RARS2: variants seen among roughly 807,000 people sequenced by gnomAD.
The protein encoded by RARS2 is probable arginine--tRNA ligase, mitochondrial.
A neutral mutation model predicts 88.5 loss-of-function variants in RARS2; 67 were observed. The ratio of observed to expected loss-of-function variants is 0.76; its 90% CI spans 0.62 to 0.93. The LOEUF (loss-of-function observed/expected upper bound fraction) is 0.93, where lower values mean the gene tolerates loss of function less well. Ranked by LOEUF, RARS2 falls within the 40% of genes least tolerant of loss-of-function variation. RARS2 has a pLI of 0.00. For missense variants in RARS2, 664 were observed against 684.2 expected (o/e 0.97, Z 0.33); for synonymous variants, 239 against 230.3 (o/e 1.04, Z -0.34).
chr6:87,522,000 G>A (rs1436277247), intron 11 of RARS2, among the ~76,000 whole-genome samples: 1 of 152,082 alleles, frequency 6.6e-6, no homozygotes, highest in Non-Finnish European at 1.5e-5. Context: ...CAAAGTCTTG[G>A]GTCAGTCAGG....
intron 2 of RARS2, among the ~76,000 whole-genome samples, chr6:87,569,256 G>A (rs1768870432): frequency 6.6e-6 from 1 of 152,012 alleles, no homozygotes; most frequent in South Asian, 2.1e-4. Flanking sequence ...CAAAGACTTT[G>A]CCACAATTAT....
At position 87,569,607 on chromosome 6, in the gene RARS2, AC is replaced by A. The variant is rs1285348745; in HGVS notation, c.37-18del. ...TCTGGAAAGCTAAAAATCAAAAAGAACAAAACAGTGTAAGATTGTTCACATA... is the reference window on the plus strand; with the variant it reads ...TCTGGAAAGCTAAAAATCAAAAAGAAAAAACAGTGTAAGATTGTTCACATA... On this transcript the variant is annotated intron_variant, in intron 1 of 19. Transcript: ENST00000369536. 1 of 1,569,846 alleles carries A rather than the reference AC, an allele frequency of 6.4e-7. No individual in the cohort carries two copies. The highest frequency in any genetic ancestry group is 1.7e-5 in the Admixed American group (1 of 59,950).
chr6:87,541,953 T>C lies in RARS2; in HGVS notation c.577A>G (p.Lys193Glu), dbSNP rs1232135453. 1 of 1,613,822 alleles carries C rather than the reference T, an allele frequency of 6.2e-7. No individual in the cohort carries two copies. Among genetic ancestry groups the C allele is most frequent in the Admixed American group, 1.7e-5 (1 of 60,018 alleles). Residue 193 changes from lysine (K) to glutamate (E), a missense_variant, in exon 8 of 20, where the codon AAA (lysine) becomes GAA (glutamate). Lys to Glu is a moderately conservative substitution (Grantham distance 56). Transcript: ENST00000369536. ...TGCTGTAGAGGATTGGACTGCAGTTTTTCCTCATAGCCAAACAGCTGGAAG... is the reference window on the plus strand; with the variant it reads ...TGCTGTAGAGGATTGGACTGCAGTTCTTCCTCATAGCCAAACAGCTGGAAG... ...TGFQLFGYEEKLQSNPLQHLF... is the reference protein window; with the variant it reads ...TGFQLFGYEEELQSNPLQHLF...
intron 10 of RARS2, among the ~76,000 whole-genome samples, chr6:87,524,920 T>C (rs778952165): frequency 3.3e-5 from 5 of 152,192 alleles, no homozygotes; most frequent in Admixed American, 6.5e-5. Flanking sequence ...TTCTTTAATA[T>C]ACCCAGTTGA....
At chr6:87,536,938 GA>G (rs1779356216) in intron 8 of RARS2, among the ~76,000 whole-genome samples, 1 of 152,148 alleles carries the variant, frequency 6.6e-6, no homozygotes, top group Non-Finnish European at 1.5e-5. Flanking sequence ...CATGGGAAAA[GA>G]ATGCTATAAG....
chr6:87,550,808 G>GGA (rs1472659264), intron 5 of RARS2, among the ~76,000 whole-genome samples: 2 of 124,468 alleles, frequency 1.6e-5, no homozygotes, highest in African/African-American at 5.9e-5. Flanking sequence ...CATTATTTAA[G>GGA]AAAAAAAAAA....
At chr6:87,565,946 A>T (rs146840513) in intron 2 of RARS2, among the ~76,000 whole-genome samples, 194 of 152,358 alleles carry the variant, frequency 1.3e-3, no homozygotes, top group African/African-American at 3.9e-3. Flanking sequence ...TTAACATCAC[A>T]TTTAAAAACC....
At chr6:87,519,026 T>G (rs1012320735) in intron 14 of RARS2, 135 bp from the exon 15 acceptor site, 7 of 840,670 alleles carry the variant, frequency 8.3e-6, no homozygotes, top group East Asian at 2.5e-5. Context: ...ACTTGCCTAA[T>G]TTAGGCTATT....
intron 5 of RARS2, among the ~76,000 whole-genome samples, chr6:87,549,801 G>C (rs910598298): frequency 2.0e-5 from 3 of 152,188 alleles, no homozygotes; most frequent in Admixed American, 6.5e-5. Context: ...TTTTACAGAT[G>C]AGGGAACTGG....
In RARS2 at chr6:87,514,953, G is replaced by A. The variant is rs758470935; in HGVS notation, c.1650+4C>T. 37 of 1,606,034 alleles carry A rather than the reference G, an allele frequency of 2.3e-5. 1 individual carries two copies. The highest frequency in any genetic ancestry group is 2.1e-4 in the South Asian group (19 of 90,928). On this transcript the variant is annotated splice_donor_region_variant and intron_variant, in intron 19 of 19. Transcript: ENST00000369536. The stretch of plus-strand genomic sequence containing the variant: ...TTATACAGAAAACATTCAACATAAC[G>A]TACCCCAGCCACTTCAGGAGGACTA...
At chr6:87,549,044 T>C (rs1027002327) in intron 5 of RARS2, among the ~76,000 whole-genome samples, 2 of 152,012 alleles carry the variant, frequency 1.3e-5, no homozygotes, top group African/African-American at 4.8e-5. Flanking sequence ...CAAGACTGTC[T>C]CTACAAAAAA....
chr6:87,527,028 C>T (rs117325704), intron 10 of RARS2, among the ~76,000 whole-genome samples: 2,513 of 151,794 alleles, frequency 0.017, 40 homozygotes, highest in Non-Finnish European at 0.025. Context: ...GGGACAGTCT[C>T]GGCCAGGCAC....
At chr6:87,546,139 T>C (rs2128120645) in intron 6 of RARS2, among the ~76,000 whole-genome samples, 1 of 152,308 alleles carries the variant, frequency 6.6e-6, no homozygotes, top group Non-Finnish European at 1.5e-5. Flanking sequence ...CACTAACATC[T>C]ACCCTCTGCA....
intron 1 of RARS2, among the ~76,000 whole-genome samples, chr6:87,589,463 A>G (rs769502837): frequency 1.3e-5 from 2 of 152,208 alleles, no homozygotes; most frequent in Non-Finnish European, 2.9e-5. Context: ...GATAGCTCTT[A>G]TATCTTTGGG....
chr6:87,537,213 G>GA (rs1307074795), intron 8 of RARS2, among the ~76,000 whole-genome samples: 6 of 152,244 alleles, frequency 3.9e-5, no homozygotes, highest in African/African-American at 1.4e-4. Flanking sequence ...CCAGAAGGTT[G>GA]AAAGTGCCAA....
intron 1 of RARS2, among the ~76,000 whole-genome samples, chr6:87,579,422 A>G (rs1160670403): frequency 6.6e-6 from 1 of 152,154 alleles, no homozygotes; most frequent in Non-Finnish European, 1.5e-5. Context: ...TCAAGCTCGG[A>G]TGAACATCTG....
chr6:87,554,185 C>G (rs980114921), intron 5 of RARS2, among the ~76,000 whole-genome samples: 1 of 152,180 alleles, frequency 6.6e-6, no homozygotes, highest in African/African-American at 2.4e-5. Context: ...CAAGACTGTT[C>G]TTCAGCTTTA....
intron 4 of RARS2, among the ~76,000 whole-genome samples, chr6:87,556,109 TATA>T (rs1785797340): frequency 6.6e-6 from 1 of 152,200 alleles, no homozygotes; most frequent in Non-Finnish European, 1.5e-5. Flanking sequence ...GATAAAAATG[TATA>T]ATGCCTATTG....
chr6:87,552,462 C>T (rs1460821274), intron 5 of RARS2, among the ~76,000 whole-genome samples: 1 of 152,184 alleles, frequency 6.6e-6, no homozygotes, highest in Non-Finnish European at 1.5e-5. Flanking sequence ...AGGAGATAGA[C>T]AGGCTCTGCC....
Sources: allele counts gnomAD v4.1 joint callset (sites outside exome capture counted in the v4.1 genomes callset), GRCh38; gene constraint gnomAD v4.1.1; transcripts MANE v1.5; gene names NCBI Gene and HGNC (gene_info 2026-07-23, HGNC 2026-07-21).